The following SKAP2 variants were observed in gnomAD, a reference collection of about 807,000 sequenced individuals.
The protein encoded by SKAP2 is src kinase associated phosphoprotein 2, also known as src kinase-associated phosphoprotein 2.
In SKAP2, 28 loss-of-function variants were observed where a neutral mutation model predicts 54.9. The ratio of observed to expected loss-of-function variants is 0.51; its 90% CI spans 0.38 to 0.70. The LOEUF is 0.70. SKAP2 is among the 30% of genes least tolerant of loss of function. The probability of loss-of-function intolerance (pLI) is 0.00; values close to 1 mark genes in which losing one functional copy is unlikely to be tolerated. For missense variants in SKAP2, 356 were observed against 424.1 expected (o/e 0.84, Z 1.41); for synonymous variants, 137 against 134.3 (o/e 1.02, Z -0.14).
the SKAP2 span, among the ~76,000 whole-genome samples, chr7:26,658,037 C>A: frequency 6.6e-6 from 1 of 152,156 alleles, no homozygotes; most frequent in Non-Finnish European, 1.5e-5. Context: ...AATTGTGCTA[C>A]TGAGGTCTGT....
At chr7:26,743,441 A>G (rs752851213) in intron 4 of SKAP2, among the ~76,000 whole-genome samples, 3 of 152,168 alleles carry the variant, frequency 2.0e-5, no homozygotes, top group Non-Finnish European at 4.4e-5. Flanking sequence ...CATTGTAGCT[A>G]CTTCTAAAGC....
At chr7:26,660,023 T>C in the SKAP2 span, among the ~76,000 whole-genome samples, 1 of 152,136 alleles carries the variant, frequency 6.6e-6, no homozygotes, top group East Asian at 1.9e-4. Context: ...TTAGATGAGA[T>C]GCTTCTCTTC....
At chr7:26,669,809 T>C (rs1485903435) in intron 12 of SKAP2, among the ~76,000 whole-genome samples, 153 bp from the exon 13 acceptor site, 1 of 152,168 alleles carries the variant, frequency 6.6e-6, no homozygotes, top group Admixed American at 6.6e-5. Context: ...TAAAAAGTGG[T>C]ATTTTACTGA....
chr7:26,760,881 T>C (rs76885220), intron 4 of SKAP2, among the ~76,000 whole-genome samples: 4 of 152,078 alleles, frequency 2.6e-5, no homozygotes, highest in East Asian at 1.9e-4. Context: ...CAAAAGCATA[T>C]AGAATTTTAG....
intron 4 of SKAP2, among the ~76,000 whole-genome samples, chr7:26,789,083 C>T (rs578170057): frequency 6.6e-6 from 1 of 152,212 alleles, no homozygotes; most frequent in Admixed American, 6.5e-5. Flanking sequence ...TGTATTTGTT[C>T]TACTCTGTTA....
intron 7 of SKAP2, 126 bp downstream of exon 7, chr7:26,726,756 T>G: frequency 1.3e-6 from 1 of 784,580 alleles, no homozygotes; most frequent in Non-Finnish European, 1.9e-6. Flanking sequence ...GCATAATATA[T>G]TTAAACATCA....
At chr7:26,762,190 G>A (rs988119935) in intron 4 of SKAP2, among the ~76,000 whole-genome samples, 1 of 151,940 alleles carries the variant, frequency 6.6e-6, no homozygotes, top group Non-Finnish European at 1.5e-5. Context: ...GACTGCTTGA[G>A]CCTAGGAGGT....
intron 4 of SKAP2, among the ~76,000 whole-genome samples, chr7:26,794,908 C>G (rs67719086): frequency 2.0e-5 from 3 of 152,148 alleles, no homozygotes; most frequent in Admixed American, 1.3e-4. Context: ...CTCCCCTGTA[C>G]GTATATAAGT....
At chr7:26,729,648 G>A (rs1176061101) in intron 6 of SKAP2, among the ~76,000 whole-genome samples, 1 of 151,914 alleles carries the variant, frequency 6.6e-6, no homozygotes, top group Non-Finnish European at 1.5e-5. Flanking sequence ...CTAACATTGT[G>A]GAAAATCAGA....
chr7:26,810,808 C>T (rs907932328), intron 4 of SKAP2, among the ~76,000 whole-genome samples: 1 of 151,942 alleles, frequency 6.6e-6, no homozygotes, highest in Non-Finnish European at 1.5e-5. Context: ...CAGCCTCCCG[C>T]GTAGCTGGGA....
At chr7:26,772,840 T>C (rs1490151540) in intron 4 of SKAP2, among the ~76,000 whole-genome samples, 2 of 152,242 alleles carry the variant, frequency 1.3e-5, no homozygotes, top group African/African-American at 4.8e-5. Flanking sequence ...GAGTTATACA[T>C]GTTCATTCTG....
chr7:26,666,449 T>G (rs1407705351), downstream of SKAP2, among the ~76,000 whole-genome samples: 2 of 152,092 alleles, frequency 1.3e-5, no homozygotes, highest in African/African-American at 4.8e-5. Context: ...ATATAAAAAG[T>G]AGAAATCATA....
chr7:26,690,875 T>C (rs574952681), intron 9 of SKAP2, among the ~76,000 whole-genome samples: 1 of 152,306 alleles, frequency 6.6e-6, no homozygotes, highest in Admixed American at 6.5e-5. Flanking sequence ...AAAAATGCAG[T>C]TAACCTATAA....
chr7:26,799,323 C>T (rs577013237), intron 4 of SKAP2, among the ~76,000 whole-genome samples: 16 of 151,214 alleles, frequency 1.1e-4, no homozygotes, highest in Non-Finnish European at 1.8e-4. Context: ...ACAGGAAACA[C>T]ATTTCACCTA....
At chr7:26,841,011 T>C (rs1463424571) in intron 4 of SKAP2, among the ~76,000 whole-genome samples, 2 of 152,090 alleles carry the variant, frequency 1.3e-5, no homozygotes, top group Non-Finnish European at 2.9e-5. Flanking sequence ...TCTGTCACCA[T>C]CTATGTTACA....
At chr7:26,852,212 T>G (rs7804620) in intron 3 of SKAP2, among the ~76,000 whole-genome samples, 32,283 of 152,116 alleles carry the variant, frequency 0.21, 3,518 homozygotes, top group Non-Finnish European at 0.24. Flanking sequence ...CAAAACGTAC[T>G]TAGAATTGAA....
At chr7:26,710,697 G>A (rs968109080) in intron 9 of SKAP2, among the ~76,000 whole-genome samples, 36 of 152,126 alleles carry the variant, frequency 2.4e-4, no homozygotes, top group African/African-American at 8.2e-4. Context: ...TAACAAATAC[G>A]CATTTTATCC....
intron 4 of SKAP2, among the ~76,000 whole-genome samples, chr7:26,772,943 G>A (rs964443668): frequency 2.6e-5 from 4 of 152,166 alleles, no homozygotes; most frequent in Non-Finnish European, 4.4e-5. Context: ...CAGTGAGATC[G>A]CTAACTCTGT....
At chr7:26,689,558 G>A (rs1786733230) in intron 10 of SKAP2, among the ~76,000 whole-genome samples, 1 of 152,140 alleles carries the variant, frequency 6.6e-6, no homozygotes, top group South Asian at 2.1e-4. Flanking sequence ...TGGATAAGGG[G>A]AACATCCTTC....
Sources: allele counts gnomAD v4.1 joint callset (sites outside exome capture counted in the v4.1 genomes callset), GRCh38; gene constraint gnomAD v4.1.1; transcripts MANE v1.5; gene names NCBI Gene and HGNC (gene_info 2026-07-23, HGNC 2026-07-21).